CTNNA3: variants seen among roughly 807,000 people sequenced by gnomAD.
CTNNA3 encodes catenin alpha 3.
A neutral mutation model predicts 95.7 loss-of-function variants in CTNNA3; 76 were observed. That is an observed-to-expected ratio of 0.79 (90% CI 0.66 to 0.96). CTNNA3 has a LOEUF of 0.96. CTNNA3 is among the 40% of genes least tolerant of loss of function. The pLI, the probability that CTNNA3 is intolerant of heterozygous loss-of-function variation, is 0.00. For synonymous variants in CTNNA3, 431 were observed against 374.4 expected (o/e 1.15, Z -1.74); for missense variants, 1,191 against 1,089.8 (o/e 1.09, Z -1.31).
At chr10:66,589,885 ATTGTTTTTGTGATT>A (rs1843488070) in intron 10 of CTNNA3, among the ~76,000 whole-genome samples, 9 of 152,066 alleles carry the variant, frequency 5.9e-5, no homozygotes, top group Non-Finnish European at 1.0e-4. Context: ...TGATATATGA[ATTGTTTTTGTGATT>A]CCCATCATAA....
At position 67,663,108 on chromosome 10, in the gene CTNNA3, C is replaced by T. The variant is rs962101328; in HGVS notation, c.-5-15590G>A. ...TACAGTATTTGGTGCCTAAACCCTACCTAACTTCTTAATAGTATTCATTCC... is the reference window on the plus strand; with the variant it reads ...TACAGTATTTGGTGCCTAAACCCTATCTAACTTCTTAATAGTATTCATTCC... On this transcript the variant is annotated intron_variant, in intron 1 of 17. Coordinates refer to ENST00000433211, the MANE Select transcript of CTNNA3 (RefSeq NM_013266.4). Among the ~76,000 whole-genome samples the T allele has an allele frequency of 4.6e-5, 7 of 152,264 alleles. No homozygotes were observed. The East Asian group carries it at 1.4e-3, about 29-fold the overall frequency.
intron 7 of CTNNA3, among the ~76,000 whole-genome samples, chr10:66,899,997 G>A (rs558445537): frequency 1.3e-5 from 2 of 152,104 alleles, no homozygotes; most frequent in Non-Finnish European, 1.5e-5. Context: ...GAGAGCAGGG[G>A]TTCTCCCAGC....
At chr10:67,673,014 T>C (rs992176373) in intron 1 of CTNNA3, among the ~76,000 whole-genome samples, 4 of 151,528 alleles carry the variant, frequency 2.6e-5, no homozygotes, top group African/African-American at 9.7e-5. Flanking sequence ...CTTCCATTTG[T>C]TTGTGTCCTC....
At chr10:66,052,780 T>A (rs1319010897) in intron 15 of CTNNA3, among the ~76,000 whole-genome samples, 1 of 151,722 alleles carries the variant, frequency 6.6e-6, no homozygotes, top group Admixed American at 6.6e-5. Flanking sequence ...CATGAGAGAG[T>A]AGTTAAAATA....
intron 9 of CTNNA3, among the ~76,000 whole-genome samples, chr10:66,731,473 C>T (rs997538756): frequency 2.6e-5 from 4 of 152,062 alleles, no homozygotes; most frequent in Non-Finnish European, 4.4e-5. Flanking sequence ...CTTCTTTCCT[C>T]GGAAATTTAA....
intron 5 of CTNNA3, among the ~76,000 whole-genome samples, chr10:67,439,229 CAG>C (rs1430310977): frequency 6.6e-6 from 1 of 152,074 alleles, no homozygotes; most frequent in Non-Finnish European, 1.5e-5. Flanking sequence ...GGGCATCAGG[CAG>C]AGTCCTGAGG....
intron 3 of CTNNA3, among the ~76,000 whole-genome samples, chr10:67,540,922 T>C (rs931372794): frequency 2.6e-5 from 4 of 151,852 alleles, no homozygotes; most frequent in Non-Finnish European, 5.9e-5. Flanking sequence ...CTCAATCAAG[T>C]CACTTAACAT....
chr10:66,498,407 T>C (rs1444499749), intron 11 of CTNNA3, among the ~76,000 whole-genome samples: 1 of 152,140 alleles, frequency 6.6e-6, no homozygotes, highest in Non-Finnish European at 1.5e-5. Context: ...ATTAACAGTG[T>C]GGCAAAAGTA....
At chr10:67,724,970 T>G (rs1841200423) in intron 1 of CTNNA3, among the ~76,000 whole-genome samples, 3 of 152,092 alleles carry the variant, frequency 2.0e-5, no homozygotes, top group African/African-American at 4.8e-5. Context: ...ACACAAATTC[T>G]TATTACATTT....
intron 6 of CTNNA3, among the ~76,000 whole-genome samples, chr10:67,204,379 T>A (rs933688165): frequency 6.0e-5 from 9 of 148,948 alleles, no homozygotes; most frequent in African/African-American, 2.3e-4. Flanking sequence ...CCTCCCCCCC[T>A]CTCTCTTCCT....
intron 5 of CTNNA3, among the ~76,000 whole-genome samples, chr10:67,465,540 T>C (rs1847558083): frequency 6.6e-6 from 1 of 152,026 alleles, no homozygotes; most frequent in African/African-American, 2.4e-5. Context: ...TAATAGAGGT[T>C]TCAAGTAAAG....
At chr10:66,565,013 A>ATG (rs1399746021) in intron 10 of CTNNA3, among the ~76,000 whole-genome samples, 2 of 152,192 alleles carry the variant, frequency 1.3e-5, no homozygotes, top group African/African-American at 4.8e-5. Context: ...AACGAAAAAT[A>ATG]CCATTCTACC....
intron 5 of CTNNA3, among the ~76,000 whole-genome samples, chr10:67,518,561 C>A (rs1405276837): frequency 6.6e-6 from 1 of 151,846 alleles, no homozygotes; most frequent in Non-Finnish European, 1.5e-5. Flanking sequence ...ATATAATGTT[C>A]AACTCAATAA....
chr10:66,264,772 A>G (rs1282460308), intron 13 of CTNNA3, among the ~76,000 whole-genome samples: 1 of 151,932 alleles, frequency 6.6e-6, no homozygotes, highest in Non-Finnish European at 1.5e-5. Flanking sequence ...TGGTATCCTC[A>G]CATCTATTCT....
chr10:66,344,625 A>G (rs2092487348), intron 12 of CTNNA3, among the ~76,000 whole-genome samples: 1 of 152,088 alleles, frequency 6.6e-6, no homozygotes. Flanking sequence ...AATTCCTGCC[A>G]CTGTTTACTT....
intron 7 of CTNNA3, among the ~76,000 whole-genome samples, chr10:67,072,756 C>CT (rs1395628593): frequency 6.6e-6 from 1 of 152,160 alleles, no homozygotes; most frequent in African/African-American, 2.4e-5. Flanking sequence ...TCTTAGGGCC[C>CT]TAACAGCTAC....
intron 7 of CTNNA3, among the ~76,000 whole-genome samples, chr10:66,996,424 T>G (rs1466784773): frequency 6.6e-6 from 1 of 152,070 alleles, no homozygotes; most frequent in East Asian, 1.9e-4. Flanking sequence ...GACGGGCAGA[T>G]TGCCTGGGCT....
intron 3 of CTNNA3, among the ~76,000 whole-genome samples, chr10:67,579,921 T>A (rs1489076989): frequency 6.6e-6 from 1 of 152,212 alleles, no homozygotes; most frequent in Non-Finnish European, 1.5e-5. Flanking sequence ...TTCTTGTAAA[T>A]TTGTTTAAGT....
chr10:66,140,418 A>C (rs1331292663), intron 13 of CTNNA3, among the ~76,000 whole-genome samples: 1 of 152,212 alleles, frequency 6.6e-6, no homozygotes, highest in African/African-American at 2.4e-5. Context: ...ACAATCCACG[A>C]GCAAAGTAGA....
Sources: gnomAD v4.1 joint callset for allele counts (sites outside exome capture counted in the v4.1 genomes callset) on GRCh38, gnomAD v4.1.1 for gene constraint, MANE v1.5 for transcripts, NCBI Gene and HGNC (gene_info 2026-07-23, HGNC 2026-07-21) for gene names.